GIPR: variants seen among roughly 807,000 people sequenced by gnomAD.
The protein encoded by GIPR is GIP-R.
A neutral mutation model predicts 62.2 loss-of-function variants in GIPR; 74 were observed. That is an observed-to-expected ratio of 1.19 (90% CI 0.99 to 1.44). The LOEUF (loss-of-function observed/expected upper bound fraction) is 1.44. GIPR is among the 40% of genes most tolerant of loss of function. The pLI, the probability that GIPR is intolerant of heterozygous loss-of-function variation, is 0.00. For synonymous variants in GIPR, 256 were observed against 262.2 expected (o/e 0.98, Z 0.23); for missense variants, 664 against 611.8 (o/e 1.09, Z -0.90).
chr19:45,673,436 A>AG (rs1975653225), intron 5 of GIPR, among the ~76,000 whole-genome samples: 1 of 151,742 alleles, frequency 6.6e-6, no homozygotes, highest in Non-Finnish European at 1.5e-5. Flanking sequence ...AAAAAAAAAA[A>AG]AAAAAAAGAA....
At chr19:45,681,424 G>A (rs1342151997) in intron 12 of GIPR, among the ~76,000 whole-genome samples, 180 bp from the exon 13 acceptor site, 1 of 152,152 alleles carries the variant, frequency 6.6e-6, no homozygotes, top group Non-Finnish European at 1.5e-5. Context: ...GAACCCGGGA[G>A]GTAGAGGTTG....
At chr19:45,678,857 AC>A (rs1967092470) in intron 12 of GIPR, among the ~76,000 whole-genome samples, 3 of 152,140 alleles carry the variant, frequency 2.0e-5, no homozygotes. Flanking sequence ...TGTGGCCTTC[AC>A]CTCAGGGTTG....
Position 45,682,176 on chromosome 19 carries a change from G to C in GIPR, c.*241G>C. On this transcript the variant is annotated 3_prime_UTR_variant, in exon 14 of 14. Coordinates refer to ENST00000590918, the MANE Select transcript of GIPR (RefSeq NM_000164.4). ...GGGGGCCTAGGGTGGTCTGGGAGGC[G>C]TCTCCAAGGAGGTGACACTTAAGCC... The C allele has an allele frequency of 1.8e-6, 1 of 540,946 alleles. No individual in the cohort carries two copies. Among genetic ancestry groups the C allele is most frequent in the South Asian group, 2.3e-5 (1 of 44,112 alleles). 33.5% of individuals were successfully genotyped at this position (540,946 alleles called of 1,614,324 possible).
At chr19:45,673,049 C>T (rs1170877304) in intron 5 of GIPR, 95 bp downstream of exon 5, 1 of 773,026 alleles carries the variant, frequency 1.3e-6, no homozygotes, top group Non-Finnish European at 2.3e-6. Context: ...ACTGTTCAGA[C>T]CTCTGGGTTG....
Position 45,677,030 on chromosome 19 carries a change from G to A in GIPR, c.715G>A (p.Val239Ile). ...ANYTWLLVEG[V>I]YLHSLLVLVG... ...CTACACGTGGCTGCTGGTGGAGGGC[G>A]TCTACCTGCACAGTCTCCTGGTGCT... is the stretch of plus-strand genomic sequence containing the variant. Residue 239 changes from valine (V) to isoleucine (I), a missense_variant, in exon 8 of 14, where the codon GTC becomes ATC. By Grantham distance (29) the Val-to-Ile change is conservative. Transcript: ENST00000590918. 6.2e-7 allele frequency: 1 copy of A among 1,613,302 alleles called. No individual in the cohort carries two copies. Among genetic ancestry groups the A allele is most frequent in the Non-Finnish European group, 8.5e-7 (1 of 1,179,264 alleles).
In GIPR at chr19:45,677,396, G is replaced by T; in HGVS notation, c.854+13G>T. 1 of 1,471,384 alleles carries T rather than the reference G, an allele frequency of 6.8e-7. No homozygotes were observed. Among genetic ancestry groups the T allele is most frequent in the Non-Finnish European group, 9.5e-7 (1 of 1,052,912 alleles). 91.1% of individuals were successfully genotyped at this position (1,471,384 alleles called of 1,614,324 possible). Reference sequence around the variant, plus strand: ...ACGAGAACACGCAGTGAGTTGCAGGGTCTGGGGCGGGGCGTGGGAGGTGGG... The same window carrying T: ...ACGAGAACACGCAGTGAGTTGCAGGTTCTGGGGCGGGGCGTGGGAGGTGGG... On this transcript the variant is annotated intron_variant, in intron 9 of 13. Coordinates refer to ENST00000590918, the MANE Select transcript of GIPR (RefSeq NM_000164.4).
Position 45,678,161 on chromosome 19 carries a change from G to T in GIPR, c.1087G>T (p.Glu363Ter). Residue 363 changes from glutamate to a stop codon, truncating the protein, a stop_gained, in exon 12 of 14, where the codon GAA becomes TAA. Coordinates refer to ENST00000590918, the MANE Select transcript of GIPR (RefSeq NM_000164.4). LOFTEE classifies it high-confidence loss of function. ...GGTGGTGTTTGCTCCCGTGACAGAG[G>T]AACAGGCCCGGGGCGCCCTGCGCTT... ...HEVVFAPVTE[E>*]QARGALRFAK... 1 of 1,607,392 alleles carries T rather than the reference G, an allele frequency of 6.2e-7. No individual in the cohort carries two copies. The highest frequency in any genetic ancestry group is 8.5e-7 in the Non-Finnish European group (1 of 1,177,644).
In GIPR at chr19:45,670,658, G is replaced by A. The variant is rs777330704; in HGVS notation, c.96G>A (p.Ala32=). The stretch of plus-strand genomic sequence containing the variant: ...AGACAGGCTCTAAGGGGCAGACGGC[G>A]GGGGAGCTGTACCAGCGCTGGGAAC... The part of the protein sequence containing the change: ...RAETGSKGQT[A]GELYQRWERY... The change falls in exon 3 of 14, where the codon GCG becomes GCA. Residue 32 remains alanine (A), a synonymous_variant. Coordinates refer to ENST00000590918, the MANE Select transcript of GIPR (RefSeq NM_000164.4). 1.5e-5 allele frequency: 24 copies of A among 1,612,964 alleles called. No homozygotes were observed. The highest frequency in any genetic ancestry group is 5.5e-5 in the South Asian group (5 of 90,928).
intron 9 of GIPR, 53 bp downstream of exon 9, chr19:45,677,436 A>G (rs1967007434): frequency 8.0e-7 from 1 of 1,242,834 alleles, no homozygotes; most frequent in Admixed American, 1.8e-5. Flanking sequence ...GCTTTGAGGG[A>G]CTGTGGCGGG....
Position 45,677,384 on chromosome 19 carries a change from G to A in GIPR, c.854+1G>A. 6.4e-7 allele frequency: 1 copy of A among 1,560,464 alleles called. No homozygotes were observed. The highest frequency in any genetic ancestry group is 8.8e-7 in the Non-Finnish European group (1 of 1,133,528). On this transcript the variant is annotated splice_donor_variant, in intron 9 of 13. Coordinates refer to ENST00000590918, the MANE Select transcript of GIPR (RefSeq NM_000164.4). LOFTEE classifies it high-confidence loss of function. ...TCAGGTACCTGTACGAGAACACGCAGTGAGTTGCAGGGTCTGGGGCGGGGC... is the reference window on the plus strand; with the variant it reads ...TCAGGTACCTGTACGAGAACACGCAATGAGTTGCAGGGTCTGGGGCGGGGC...
At chr19:45,672,714 G>A in intron 4 of GIPR, 137 bp from the exon 5 acceptor site, 1 of 693,552 alleles carries the variant, frequency 1.4e-6, no homozygotes, top group South Asian at 1.5e-5. Context: ...GCCATATAAG[G>A]GTTTATCATC....
chr19:45,674,506 C>T, intron 6 of GIPR, 176 bp from the exon 7 acceptor site: 2 of 668,626 alleles, frequency 3.0e-6, no homozygotes, highest in Middle Eastern at 3.9e-4. Context: ...TAGGGGGGCG[C>T]TGAGACAGGA....
intron 2 of GIPR, 43 bp from the exon 3 acceptor site, chr19:45,670,592 C>G: frequency 7.3e-7 from 1 of 1,377,892 alleles, no homozygotes; most frequent in Non-Finnish European, 1.0e-6. Context: ...AGCCTGGGAG[C>G]GGGGGTCGGT....
intron 12 of GIPR, among the ~76,000 whole-genome samples, chr19:45,681,049 C>G (rs942009656): frequency 2.6e-5 from 4 of 152,102 alleles, no homozygotes; most frequent in Admixed American, 6.6e-5. Context: ...TAACCCCCAG[C>G]CAGCAGTGCT....
At chr19:45,678,443 A>G in intron 12 of GIPR, 1 of 611,806 alleles carries the variant, frequency 1.6e-6, no homozygotes, top group Non-Finnish European at 2.9e-6. Flanking sequence ...GGTTCATTGC[A>G]GCCTCTGACT....
At chr19:45,677,478 C>A in intron 9 of GIPR, 95 bp downstream of exon 9, 1 of 946,408 alleles carries the variant, frequency 1.1e-6, no homozygotes, top group Admixed American at 2.0e-5. Context: ...GGTCGGAAGG[C>A]TATTCGGTGC....
chr19:45,671,424 C>A, intron 4 of GIPR, 32 bp downstream of exon 4: 2 of 1,334,574 alleles, frequency 1.5e-6, no homozygotes, highest in Non-Finnish European at 1.1e-6. Context: ...GAGCCCTCCC[C>A]AGACACAAAC....
rs898953678 is a variant in GIPR at position 45,674,575 on chromosome 19, C to G, written c.489-107C>G. The G allele has an allele frequency of 3.9e-6, 4 of 1,014,602 alleles. No individual in the cohort carries two copies. In the African/African-American group the frequency reaches 4.8e-5, roughly 12 times the overall value. 62.8% of individuals were successfully genotyped at this position (1,014,602 alleles called of 1,614,324 possible). A position where few individuals can be genotyped will look rare whatever the true frequency, so the allele number is the denominator to read the frequency against. ...TGAGCCCTGATTGTGTCACTGCATT[C>G]TAGCCTGGGTGACAGAGTGAGACCC... On this transcript the variant is annotated intron_variant, in intron 6 of 13. Transcript: ENST00000590918.
In GIPR at chr19:45,674,099, T is replaced by A. The variant is rs1271638992; in HGVS notation, c.410T>A (p.Leu137Ter). The change falls in exon 6 of 14, where the codon TTG (leucine) becomes TAG (stop). Residue 137 changes from leucine to a stop codon, truncating the protein, a stop_gained. Transcript: ENST00000590918. LOFTEE classifies it high-confidence loss of function. ...FLDQRLILER[L>*]QVMYTVGYSL... ...GACCAAAGGCTCATCTTGGAGCGGT[T>A]GCAGGTCATGTACACTGTCGGCTAC... 6.2e-7 allele frequency: 1 copy of A among 1,612,782 alleles called. No individual in the cohort carries two copies. The highest frequency in any genetic ancestry group is 2.2e-5 in the East Asian group (1 of 44,858).
Sources: allele counts gnomAD v4.1 joint callset (sites outside exome capture counted in the v4.1 genomes callset), GRCh38; gene constraint gnomAD v4.1.1; transcripts MANE v1.5; gene names NCBI Gene and HGNC (gene_info 2026-07-23, HGNC 2026-07-21).